The following SLC8A1 variants were observed in gnomAD, a reference collection of about 807,000 sequenced individuals.
SLC8A1 encodes solute carrier family 8 member A1, also known as sodium/calcium exchanger 1.
A neutral mutation model predicts 68.3 loss-of-function variants in SLC8A1; 18 were observed. That is an observed-to-expected ratio of 0.26 (90% confidence interval 0.18 to 0.39). SLC8A1 has a LOEUF of 0.39. SLC8A1 is among the 10% of genes least tolerant of loss of function. The probability of loss-of-function intolerance (pLI) is 1.00; values close to 1 mark genes in which losing one functional copy is unlikely to be tolerated. For synonymous variants in SLC8A1, 475 were observed against 415.5 expected, an observed-to-expected ratio of 1.14 and a Z score of -1.74; for missense variants, 985 against 1,156.7, an observed-to-expected ratio of 0.85 and a Z score of 2.15.
At chr2:40,440,721 A>C (rs774170951) in intron 1 of SLC8A1, among the ~76,000 whole-genome samples, 6 of 152,182 alleles carry the variant, frequency 3.9e-5, no homozygotes, top group Non-Finnish European at 7.4e-5. Flanking sequence ...CATTTGATAA[A>C]ATTCAACATC....
At chr2:40,131,858 ATTTTTTTT>A (rs71404277) in intron 7 of SLC8A1, among the ~76,000 whole-genome samples, 1,197 of 95,560 alleles carry the variant, frequency 0.013, 17 homozygotes, top group Admixed American at 0.016. Context: ...TTGGTATTCT[ATTTTTTTT>A]TTTTTTTTTT....
At chr2:40,237,837 G>A (rs1263882643) in intron 2 of SLC8A1, among the ~76,000 whole-genome samples, 1 of 152,124 alleles carries the variant, frequency 6.6e-6, no homozygotes, top group African/African-American at 2.4e-5. Flanking sequence ...AGGACCCTCA[G>A]CTGCAGGTCT....
chr2:40,434,393 G>C (rs1698992835), intron 1 of SLC8A1, among the ~76,000 whole-genome samples: 1 of 152,094 alleles, frequency 6.6e-6, no homozygotes, highest in East Asian at 1.9e-4. Flanking sequence ...CGAAGATGTG[G>C]AATAGATGTT....
At chr2:40,237,247 A>C (rs1478011316) in intron 2 of SLC8A1, among the ~76,000 whole-genome samples, 1 of 152,158 alleles carries the variant, frequency 6.6e-6, no homozygotes, top group Non-Finnish European at 1.5e-5. Context: ...TACACCAATC[A>C]GACGTAGATT....
chr2:40,509,254 C>G (rs1706555350), intron 1 of SLC8A1, among the ~76,000 whole-genome samples: 1 of 152,062 alleles, frequency 6.6e-6, no homozygotes, highest in South Asian at 2.1e-4. Context: ...AGGAAACCTT[C>G]ACCTTCCAAT....
intron 2 of SLC8A1, among the ~76,000 whole-genome samples, chr2:40,372,221 T>C (rs1248295629): frequency 6.6e-6 from 1 of 152,000 alleles, no homozygotes; most frequent in Non-Finnish European, 1.5e-5. Flanking sequence ...ATGCCATGGC[T>C]ATATATGGTC....
At chr2:40,213,745 G>A (rs753296054) in intron 2 of SLC8A1, among the ~76,000 whole-genome samples, 1 of 152,114 alleles carries the variant, frequency 6.6e-6, no homozygotes, top group Non-Finnish European at 1.5e-5. Context: ...CTTTGCAGCT[G>A]GTACAACAGA....
chr2:40,201,391 A>C (rs13430470), intron 2 of SLC8A1, among the ~76,000 whole-genome samples: 10 of 151,928 alleles, frequency 6.6e-5, no homozygotes, highest in African/African-American at 2.4e-4. Flanking sequence ...TTTTGTGGTA[A>C]ATTTTAGATT....
intron 2 of SLC8A1, among the ~76,000 whole-genome samples, chr2:40,305,996 T>C (rs1203223952): frequency 6.6e-6 from 1 of 152,196 alleles, no homozygotes; most frequent in Non-Finnish European, 1.5e-5. Flanking sequence ...CTTAAATGCA[T>C]GCTCCTAAGC....
At chr2:40,200,851 T>G (rs547117616) in intron 2 of SLC8A1, among the ~76,000 whole-genome samples, 1 of 152,040 alleles carries the variant, frequency 6.6e-6, no homozygotes, top group Non-Finnish European at 1.5e-5. Flanking sequence ...TCGGTTTATA[T>G]TGTAGAAAAC....
chr2:40,295,110 T>G (rs1201554836), intron 2 of SLC8A1, among the ~76,000 whole-genome samples: 2 of 152,130 alleles, frequency 1.3e-5, no homozygotes, highest in Non-Finnish European at 2.9e-5. Flanking sequence ...TTATTATTTT[T>G]TTTTTTTGAT....
intron 2 of SLC8A1, chr2:40,250,192 G>A (rs904450834): frequency 1.3e-5 from 2 of 152,066 alleles, no homozygotes; most frequent in African/African-American, 4.8e-5. Flanking sequence ...ATAATTTGGG[G>A]GAAAGAAATT....
intron 2 of SLC8A1, among the ~76,000 whole-genome samples, chr2:40,424,089 A>G (rs1696222662): frequency 6.6e-6 from 1 of 151,976 alleles, no homozygotes; most frequent in Non-Finnish European, 1.5e-5. Flanking sequence ...TTCTACTGCT[A>G]TAAAGTAAAG....
intron 2 of SLC8A1, among the ~76,000 whole-genome samples, chr2:40,378,521 T>C (rs1489968904): frequency 6.6e-6 from 1 of 152,108 alleles, no homozygotes; most frequent in Admixed American, 6.6e-5. Flanking sequence ...CTCAGTGAAG[T>C]GCGAAGCTAG....
chr2:40,506,434 T>G (rs568821801), intron 1 of SLC8A1, among the ~76,000 whole-genome samples: 15 of 152,008 alleles, frequency 9.9e-5, no homozygotes, highest in Non-Finnish European at 1.8e-4. Context: ...CAGGGACACA[T>G]TTGTTGAACA....
intron 2 of SLC8A1, among the ~76,000 whole-genome samples, chr2:40,416,540 T>C (rs1693947464): frequency 6.6e-6 from 1 of 152,130 alleles, no homozygotes; most frequent in African/African-American, 2.4e-5. Context: ...AAATTTTTGC[T>C]TTCTCTTAGG....
chr2:40,341,781 G>A (rs1047550411), intron 2 of SLC8A1, among the ~76,000 whole-genome samples: 4 of 152,000 alleles, frequency 2.6e-5, no homozygotes, highest in African/African-American at 9.7e-5. Context: ...GTTTTTTGCT[G>A]GACTTCTAAC....
intron 2 of SLC8A1, among the ~76,000 whole-genome samples, chr2:40,396,362 C>T (rs957141937): frequency 5.3e-5 from 8 of 152,114 alleles, no homozygotes; most frequent in African/African-American, 1.2e-4. Context: ...TCTACGGTTA[C>T]ATGAATCTAT....
chr2:40,321,640 A>T (rs1343755767), intron 2 of SLC8A1, among the ~76,000 whole-genome samples: 1 of 152,084 alleles, frequency 6.6e-6, no homozygotes, highest in Non-Finnish European at 1.5e-5. Context: ...TGGTGGCATA[A>T]AGGAGAAGTG....
Sources: allele counts gnomAD v4.1 joint callset (sites outside exome capture counted in the v4.1 genomes callset), GRCh38; gene constraint gnomAD v4.1.1; transcripts MANE v1.5; gene names NCBI Gene and HGNC (gene_info 2026-07-23, HGNC 2026-07-21).